CCDC170: variants seen among roughly 807,000 people sequenced by gnomAD.
CCDC170 encodes coiled-coil domain-containing protein 170.
CCDC170 carries 69 observed loss-of-function variants against 72.6 expected under a neutral mutation model. The observed-to-expected ratio is 0.95, with a 90% confidence interval of 0.78 to 1.16. CCDC170 has a LOEUF of 1.16. Among genes scored for constraint, CCDC170 ranks in the 50% most tolerant of loss-of-function variants. The pLI, the probability that CCDC170 is intolerant of heterozygous loss-of-function variation, is 0.00. For missense variants in CCDC170, 852 were observed against 832.5 expected (o/e 1.02, Z -0.29); for synonymous variants, 300 against 303.9 (o/e 0.99, Z 0.13).
chr6:151,548,630 C>A, intron 5 of CCDC170, 141 bp downstream of exon 5: 1 of 653,530 alleles, frequency 1.5e-6, no homozygotes, highest in Non-Finnish European at 2.3e-6. Flanking sequence ...CTGCACTCAG[C>A]AGGAGGGTTG....
At chr6:151,523,970 G>A (rs79439330) in intron 1 of CCDC170, among the ~76,000 whole-genome samples, 1,605 of 152,278 alleles carry the variant, frequency 0.011, 26 homozygotes, top group African/African-American at 0.037. Flanking sequence ...TTTAATAAGC[G>A]AAAGGAGAAA....
At chr6:151,573,057 A>G (rs950783154) in intron 5 of CCDC170, 117 bp from the exon 6 acceptor site, 4 of 879,428 alleles carry the variant, frequency 4.5e-6, no homozygotes, top group Non-Finnish European at 7.1e-6. Context: ...GGAAGGAGTA[A>G]TTAACCCAAC....
intron 9 of CCDC170, among the ~76,000 whole-genome samples, chr6:151,607,353 T>C (rs1485575441): frequency 6.6e-6 from 1 of 152,206 alleles, no homozygotes; most frequent in African/African-American, 2.4e-5. Flanking sequence ...AATATATCAT[T>C]TGTTCCTTTT....
At chr6:151,580,341 G>A (rs1330164606) in intron 6 of CCDC170, among the ~76,000 whole-genome samples, 1 of 152,126 alleles carries the variant, frequency 6.6e-6, no homozygotes, top group East Asian at 1.9e-4. Flanking sequence ...CACATCTCCT[G>A]ATGTGCTATA....
intron 5 of CCDC170, among the ~76,000 whole-genome samples, chr6:151,567,148 A>G (rs1196030484): frequency 6.6e-6 from 1 of 152,038 alleles, no homozygotes; most frequent in African/African-American, 2.4e-5. Flanking sequence ...TGAACTCCGG[A>G]CCTCAGGTGA....
At chr6:151,581,492 A>G (rs997980326) in intron 6 of CCDC170, among the ~76,000 whole-genome samples, 6 of 152,140 alleles carry the variant, frequency 3.9e-5, no homozygotes, top group Non-Finnish European at 2.9e-5. Context: ...TTCTCTTGCT[A>G]TTTCCACCAC....
chr6:151,607,667 T>C (rs191195283), intron 9 of CCDC170, among the ~76,000 whole-genome samples: 3 of 152,152 alleles, frequency 2.0e-5, no homozygotes, highest in Admixed American at 6.6e-5. Context: ...AATCCCATTC[T>C]CTCCTAACCT....
At position 151,596,459 on chromosome 6, in the gene CCDC170, C is replaced by G; in HGVS notation, c.1592C>G (p.Ala531Gly). The change falls in exon 9 of 11, where the codon GCG becomes GGG. Residue 531 changes from alanine to glycine, a missense_variant. Ala to Gly is a moderately conservative substitution (Grantham distance 60, BLOSUM62 0). Coordinates refer to ENST00000239374, the MANE Select transcript of CCDC170 (RefSeq NM_025059.4). ...GCCTTGGTGGTTGAGAGGGACAACG[C>G]GCATCTTACCATCAGGAACTTGCAG... ...RTALVVERDNAHLTIRNLQKK... is the reference protein window; with the variant it reads ...RTALVVERDNGHLTIRNLQKK... The G allele has an allele frequency of 6.2e-7, 1 of 1,613,962 alleles. No homozygotes were observed. Among genetic ancestry groups the G allele is most frequent in the African/African-American group, 1.3e-5 (1 of 74,970 alleles).
At chr6:151,536,013 G>A (rs6903256) in intron 1 of CCDC170, among the ~76,000 whole-genome samples, 15,291 of 152,114 alleles carry the variant, frequency 0.1, 2,471 homozygotes, top group African/African-American at 0.34. Flanking sequence ...TCCTGCCTTG[G>A]CCTCCAAAAG....
chr6:151,551,289 T>TCAGCATA (rs1365653362), intron 5 of CCDC170, among the ~76,000 whole-genome samples: 2 of 152,198 alleles, frequency 1.3e-5, no homozygotes, highest in Admixed American at 1.3e-4. Context: ...TCTAACTATG[T>TCAGCATA]CAGCATATTT....
At chr6:151,532,074 G>A (rs1782498421) in intron 1 of CCDC170, among the ~76,000 whole-genome samples, 1 of 152,034 alleles carries the variant, frequency 6.6e-6, no homozygotes, top group African/African-American at 2.4e-5. Context: ...AGGAATAGAG[G>A]TATAAAAATT....
intron 7 of CCDC170, among the ~76,000 whole-genome samples, chr6:151,588,975 C>T (rs1363377902): frequency 1.3e-5 from 2 of 151,346 alleles, no homozygotes; most frequent in Non-Finnish European, 2.9e-5. Flanking sequence ...AAAAACAGGC[C>T]AGATGTGGTG....
chr6:151,616,167 C>T (rs1398561100), intron 10 of CCDC170, among the ~76,000 whole-genome samples: 1 of 152,070 alleles, frequency 6.6e-6, no homozygotes, highest in Non-Finnish European at 1.5e-5. Context: ...TAACGTTAAC[C>T]AGGGCTTTGG....
At chr6:151,546,842 A>G (rs1219279475) in intron 4 of CCDC170, among the ~76,000 whole-genome samples, 1 of 152,176 alleles carries the variant, frequency 6.6e-6, no homozygotes, top group Admixed American at 6.5e-5. Flanking sequence ...ACTTGGGAAC[A>G]ATGAATAAGA....
chr6:151,548,271 T>A (rs749209062), intron 4 of CCDC170, 33 bp from the exon 5 acceptor site: 1 of 1,478,214 alleles, frequency 6.8e-7, no homozygotes, highest in South Asian at 1.5e-5. Flanking sequence ...ATTGTTAATT[T>A]TTATAGGACA....
intron 5 of CCDC170, among the ~76,000 whole-genome samples, chr6:151,565,935 C>T (rs9371540): frequency 5.9e-5 from 9 of 152,116 alleles, no homozygotes; most frequent in East Asian, 1.9e-4. Flanking sequence ...TCCATTTTGC[C>T]GTGTCCCTTT....
chr6:151,497,715 C>T (rs1416058744), intron 1 of CCDC170, among the ~76,000 whole-genome samples: 1 of 151,976 alleles, frequency 6.6e-6, no homozygotes, highest in Non-Finnish European at 1.5e-5. Flanking sequence ...GTGGCTCATG[C>T]TTGTAATCCC....
chr6:151,522,115 G>T (rs1782327763), intron 1 of CCDC170, among the ~76,000 whole-genome samples: 1 of 151,858 alleles, frequency 6.6e-6, no homozygotes, highest in Admixed American at 6.6e-5. Flanking sequence ...AGCTGAGATT[G>T]TGCCATTGCA....
At chr6:151,508,106 T>C (rs1417273762) in intron 1 of CCDC170, among the ~76,000 whole-genome samples, 2 of 152,172 alleles carry the variant, frequency 1.3e-5, no homozygotes, top group East Asian at 3.9e-4. Flanking sequence ...TTCCACAGTT[T>C]TGTGGCACTA....
Sources: allele counts gnomAD v4.1 joint callset (sites outside exome capture counted in the v4.1 genomes callset), GRCh38; gene constraint gnomAD v4.1.1; transcripts MANE v1.5; gene names NCBI Gene and HGNC (gene_info 2026-07-23, HGNC 2026-07-21).